PPP1R13B: variants seen among roughly 807,000 people sequenced by gnomAD.
PPP1R13B encodes protein phosphatase 1 regulatory subunit 13B.
In PPP1R13B, 44 loss-of-function variants were observed where a neutral mutation model predicts 119.8. That is an observed-to-expected ratio of 0.37 (90% confidence interval 0.29 to 0.47). The LOEUF (loss-of-function observed/expected upper bound fraction) is 0.47. PPP1R13B is among the 20% of genes least tolerant of loss of function. The probability of loss-of-function intolerance (pLI) is 0.99; values close to 1 mark genes in which losing one functional copy is unlikely to be tolerated. For missense variants in PPP1R13B, 1,227 were observed against 1,413.5 expected (o/e 0.87, Z 2.12); for synonymous variants, 542 against 561.5 (o/e 0.97, Z 0.49).
chr14:103,742,269 G>C lies in PPP1R13B; in HGVS notation c.1343C>G (p.Pro448Arg). ...EKPGIEIGKV[P>R]PPIPGVGKQL... ...CTTGCCTACACCCGGGATGGGAGGT[G>C]GCACTTTACCAATCTCGATGCCCTA... The change falls in exon 11 of 17, where the codon CCA becomes CGA. Residue 448 changes from proline (P) to arginine (R), a missense_variant. Transcript: ENST00000202556. This position sits in a 1 kb window ranked among gnomAD's most constrained non-coding sequence, Gnocchi z 4.9. The C allele has an allele frequency of 6.4e-7, 1 of 1,568,316 alleles. No homozygotes were observed. Among genetic ancestry groups the C allele is most frequent in the Non-Finnish European group, 8.6e-7 (1 of 1,162,954 alleles).
intron 7 of PPP1R13B, among the ~76,000 whole-genome samples, chr14:103,750,181 A>G (rs574149512): frequency 6.5e-5 from 9 of 138,352 alleles, no homozygotes; most frequent in African/African-American, 2.6e-4. Flanking sequence ...ACTAGTGCCA[A>G]TGATGATTAC....
At position 103,733,230 on chromosome 14, in the gene PPP1R13B, T is replaced by G. The variant is rs1410558855; in HGVS notation, c.*1924A>C. Reference sequence around the variant, plus strand: ...CTTTAAACAGCTTCATGTTTTAGAATTTGTGTATTGTCAATACTTAATTGG... The same window carrying G: ...CTTTAAACAGCTTCATGTTTTAGAAGTTGTGTATTGTCAATACTTAATTGG... On this transcript the variant is annotated 3_prime_UTR_variant, in exon 17 of 17. Coordinates refer to ENST00000202556, the MANE Select transcript of PPP1R13B (RefSeq NM_015316.3). 2 of 622,994 alleles carry G rather than the reference T, an allele frequency of 3.2e-6. No homozygotes were observed. The highest frequency in any genetic ancestry group is 1.9e-5 in the African/African-American group (1 of 53,968). The allele number at this position is 622,994 out of a possible 1,614,324, so 38.6% of individuals were successfully genotyped here.
chr14:103,805,200 C>A (rs2085988866), intron 1 of PPP1R13B, among the ~76,000 whole-genome samples: 1 of 152,158 alleles, frequency 6.6e-6, no homozygotes, highest in Admixed American at 6.6e-5. Context: ...GGTACCTACC[C>A]TGGGGAAATA....
intron 3 of PPP1R13B, 49 bp downstream of exon 3, chr14:103,784,746 T>G: frequency 6.5e-7 from 1 of 1,539,232 alleles, no homozygotes; most frequent in Non-Finnish European, 8.9e-7. Context: ...TTTCTTAAAT[T>G]AACTTTCCTA....
chr14:103,755,063 T>C (rs1010911855), intron 5 of PPP1R13B, among the ~76,000 whole-genome samples: 5 of 151,084 alleles, frequency 3.3e-5, no homozygotes, highest in African/African-American at 1.2e-4. Flanking sequence ...ATTACAGGCG[T>C]GAGCCACCGC....
intron 1 of PPP1R13B, among the ~76,000 whole-genome samples, chr14:103,809,488 C>G (rs1180612442): frequency 2.6e-5 from 4 of 152,078 alleles, no homozygotes; most frequent in African/African-American, 7.2e-5. Flanking sequence ...AGAGGTGATA[C>G]AGCTGACCAC....
intron 7 of PPP1R13B, among the ~76,000 whole-genome samples, chr14:103,750,680 A>G (rs2084519931): frequency 1.3e-5 from 2 of 151,918 alleles, no homozygotes; most frequent in Non-Finnish European, 2.9e-5. Flanking sequence ...AAAATACAAA[A>G]ATTAGCCAGG....
At chr14:103,838,097 C>G (rs984565199) in intron 1 of PPP1R13B, among the ~76,000 whole-genome samples, 1 of 151,966 alleles carries the variant, frequency 6.6e-6, no homozygotes, top group Non-Finnish European at 1.5e-5. Context: ...CCAGCCTGGG[C>G]GACAGAGTGA....
At chr14:103,848,100 G>T (rs1282735651), upstream of PPP1R13B, among the ~76,000 whole-genome samples, 1 of 151,992 alleles carries the variant, frequency 6.6e-6, no homozygotes, top group Non-Finnish European at 1.5e-5. Context: ...CCGAGGCCGC[G>T]CGCTCGGAAC....
Position 103,758,800 on chromosome 14 carries a change from T to A in PPP1R13B, c.355-1049A>T, listed in dbSNP as rs143653840. ...CACGTTCTACTTCTAGGTTCATATA[T>A]ACTCTTAGGATACCTTCACCTTCTG... On this transcript the variant is annotated intron_variant, in intron 4 of 16. Transcript: ENST00000202556. Among the ~76,000 whole-genome samples, 515 of 152,334 alleles carry A rather than the reference T, an allele frequency of 3.4e-3. 4 individuals carry two copies. The highest frequency in any genetic ancestry group is 0.011 in the African/African-American group (476 of 41,586).
At chr14:103,743,450 G>A (rs1055530513) in intron 9 of PPP1R13B, among the ~76,000 whole-genome samples, 3 of 152,216 alleles carry the variant, frequency 2.0e-5, no homozygotes, top group African/African-American at 4.8e-5. Context: ...TGAAATGACA[G>A]GTTCTTTACA....
chr14:103,833,461 T>C (rs906948170), intron 1 of PPP1R13B, among the ~76,000 whole-genome samples: 4 of 152,174 alleles, frequency 2.6e-5, no homozygotes, highest in African/African-American at 9.6e-5. Flanking sequence ...CTGGCCAACA[T>C]GGTGAAACGC....
chr14:103,841,738 C>G (rs986496036), intron 1 of PPP1R13B, among the ~76,000 whole-genome samples: 10 of 152,216 alleles, frequency 6.6e-5, no homozygotes, highest in African/African-American at 2.4e-4. Context: ...CTCTTACTAT[C>G]TGCTCTGTCA....
At chr14:103,814,939 C>G (rs749036360) in intron 1 of PPP1R13B, among the ~76,000 whole-genome samples, 1 of 146,214 alleles carries the variant, frequency 6.8e-6, no homozygotes, top group African/African-American at 2.5e-5. Flanking sequence ...AGCAAGACTC[C>G]GTCTCACAAA....
chr14:103,777,520 G>A (rs542996325), intron 4 of PPP1R13B, among the ~76,000 whole-genome samples: 6 of 152,134 alleles, frequency 3.9e-5, no homozygotes, highest in South Asian at 4.2e-4. Context: ...CCCATCTGCC[G>A]CCACAGAGAT....
Position 103,833,356 on chromosome 14 carries a change from C to T in PPP1R13B, c.9+13943G>A, listed in dbSNP as rs548210914. ...CTCAACATTCTGCATGTCAATCTTT[C>T]TACCTGGCCAGGCGTGGTGGCTCAT... On this transcript the variant is annotated intron_variant, in intron 1 of 16. Transcript: ENST00000202556. Among the ~76,000 whole-genome samples, 7 of 152,134 alleles carry T rather than the reference C, an allele frequency of 4.6e-5. No homozygotes were observed. The East Asian group carries it at 1.4e-3, about 29-fold the overall frequency.
intron 1 of PPP1R13B, among the ~76,000 whole-genome samples, chr14:103,807,478 C>T (rs2086044646): frequency 6.6e-6 from 1 of 152,166 alleles, no homozygotes; most frequent in Non-Finnish European, 1.5e-5. Flanking sequence ...ACTCAATAAA[C>T]TCCCCCAATT....
chr14:103,840,654 G>A (rs999928891), intron 1 of PPP1R13B, among the ~76,000 whole-genome samples: 34 of 152,146 alleles, frequency 2.2e-4, no homozygotes, highest in African/African-American at 8.2e-4. Flanking sequence ...AGCTGGGTGT[G>A]GAAGCACATG....
At chr14:103,820,497 T>G (rs1190934485) in intron 1 of PPP1R13B, among the ~76,000 whole-genome samples, 1 of 151,950 alleles carries the variant, frequency 6.6e-6, no homozygotes, top group Non-Finnish European at 1.5e-5. Context: ...AGTCCTTTTT[T>G]TTTTTTTAAT....
Sources: allele counts gnomAD v4.1 joint callset (sites outside exome capture counted in the v4.1 genomes callset), GRCh38; gene constraint gnomAD v4.1.1; non-coding constraint Gnocchi (gnomAD v3.1); transcripts MANE v1.5; gene names NCBI Gene and HGNC (gene_info 2026-07-23, HGNC 2026-07-21).